Variants in RNMT observed in about 807,000 individuals in gnomAD.
RNMT encodes the protein mRNA cap guanine-N(7) methyltransferase.
RNMT carries 27 observed loss-of-function variants against 56.0 expected under a neutral mutation model. The ratio of observed to expected loss-of-function variants is 0.48; its 90% CI spans 0.36 to 0.67. The LOEUF (loss-of-function observed/expected upper bound fraction) is 0.67. RNMT is among the 30% of genes least tolerant of loss of function. The pLI is 0.00. For missense variants in RNMT, 519 were observed against 552.1 expected, an observed-to-expected ratio of 0.94 and a Z score of 0.60; for synonymous variants, 184 against 176.2, an observed-to-expected ratio of 1.04 and a Z score of -0.35.
chr18:13,742,708 C>A, intron 8 of RNMT, 56 bp downstream of exon 8: 2 of 1,275,866 alleles, frequency 1.6e-6, no homozygotes, highest in Non-Finnish European at 2.2e-6. Context: ...GAAAGAAAAG[C>A]GGGGAAAAGC....
chr18:13,761,632 C>A lies in RNMT; in HGVS notation c.*1653C>A. On this transcript the variant is annotated 3_prime_UTR_variant, in exon 12 of 12. Coordinates refer to ENST00000383314, the MANE Select transcript of RNMT (RefSeq NM_003799.3). ...CAGTGGTAATACAAAGCAGGGAGAA[C>A]AGAAAGGTAGAGTTACTAAGGCCTT... is the stretch of plus-strand genomic sequence containing the variant. 1 of 1,002,032 alleles carries A rather than the reference C, an allele frequency of 1.0e-6. No homozygotes were observed. The highest frequency in any genetic ancestry group is 1.2e-6 in the Non-Finnish European group (1 of 839,816). The allele number at this position is 1,002,032 out of a possible 1,614,324, so 62.1% of individuals were successfully genotyped here. A position where few individuals can be genotyped will look rare whatever the true frequency, so the allele number is the denominator to read the frequency against.
At chr18:13,733,770 A>G (rs532522765) in intron 3 of RNMT, among the ~76,000 whole-genome samples, 2 of 152,346 alleles carry the variant, frequency 1.3e-5, no homozygotes, top group Admixed American at 6.5e-5. Flanking sequence ...ATTCCTTTGT[A>G]GAAACACCAA....
Position 13,730,675 on chromosome 18 carries a change from A to G in RNMT, c.-123A>G, listed in dbSNP as rs900473282. Reference sequence around the variant, plus strand: ...GTACAACTTCAAGCCTCGAAATCAGATAGGCACCACCAACCTCATTTCCTG... The same window carrying G: ...GTACAACTTCAAGCCTCGAAATCAGGTAGGCACCACCAACCTCATTTCCTG... On this transcript the variant is annotated 5_prime_UTR_variant, in exon 2 of 12. Coordinates refer to ENST00000383314, the MANE Select transcript of RNMT (RefSeq NM_003799.3). 1 of 152,240 alleles carries G rather than the reference A, an allele frequency of 6.6e-6. No individual in the cohort carries two copies. Among genetic ancestry groups the G allele is most frequent in the African/African-American group, 2.4e-5 (1 of 41,456 alleles). The allele number at this position is 152,240 out of a possible 1,614,324, so 9.4% of individuals were successfully genotyped here. A position where few individuals can be genotyped will look rare whatever the true frequency, so the allele number is the denominator to read the frequency against.
intron 7 of RNMT, 98 bp downstream of exon 7, chr18:13,741,789 C>A: frequency 1.3e-6 from 1 of 749,184 alleles, no homozygotes; most frequent in Non-Finnish European, 2.1e-6. Flanking sequence ...CTATTTTAAT[C>A]TTATAAGTGT....
intron 4 of RNMT, among the ~76,000 whole-genome samples, chr18:13,734,961 T>C (rs2044134559): frequency 1.3e-5 from 2 of 152,226 alleles, no homozygotes; most frequent in Non-Finnish European, 2.9e-5. Context: ...ATAAAGATCA[T>C]GTGTATTACA....
intron 1 of RNMT, among the ~76,000 whole-genome samples, chr18:13,727,071 A>T (rs1157216379): frequency 6.6e-6 from 1 of 152,158 alleles, no homozygotes; most frequent in Non-Finnish European, 1.5e-5. Context: ...CCTGAACCAG[A>T]GGTTGAGTAA....
chr18:13,761,759 C>A lies in RNMT; in HGVS notation c.*1780C>A, dbSNP rs769452034. The A allele has an allele frequency of 4.4e-5, 53 of 1,193,150 alleles. No individual in the cohort carries two copies. Among genetic ancestry groups the A allele is most frequent in the Non-Finnish European group, 5.3e-5 (51 of 956,464 alleles). 73.9% of individuals were successfully genotyped at this position (1,193,150 alleles called of 1,614,324 possible). On this transcript the variant is annotated 3_prime_UTR_variant, in exon 12 of 12. Coordinates refer to ENST00000383314, the MANE Select transcript of RNMT (RefSeq NM_003799.3). ...TCAGGGAGGCTTACTGGAGCCACAC[C>A]TGCAGGCGCTGTGTTCAGGCACCAC... is the stretch of plus-strand genomic sequence containing the variant.
intron 10 of RNMT, 27 bp from the exon 11 acceptor site, chr18:13,754,086 AT>A (rs1364310506): frequency 7.3e-7 from 1 of 1,370,194 alleles, no homozygotes; most frequent in Non-Finnish European, 1.0e-6. Flanking sequence ...TGAATCTAAA[AT>A]TTTCTTTTTC....
chr18:13,760,794 TG>T lies in RNMT; in HGVS notation c.*817del. 1.0e-6 allele frequency: 1 copy of T among 985,450 alleles called. No individual in the cohort carries two copies. The highest frequency in any genetic ancestry group is 1.2e-6 in the Non-Finnish European group (1 of 829,916). 61.0% of individuals were successfully genotyped at this position (985,450 alleles called of 1,614,324 possible). ...TGCACATTTTTTCCAAATTTATACA[TG>T]GAACTGCAGTAGGAATATTCTCACC... On this transcript the variant is annotated 3_prime_UTR_variant, in exon 12 of 12. Coordinates refer to ENST00000383314, the MANE Select transcript of RNMT (RefSeq NM_003799.3).
intron 11 of RNMT, among the ~76,000 whole-genome samples, chr18:13,758,843 T>A (rs1343220982): frequency 6.6e-6 from 1 of 152,170 alleles, no homozygotes; most frequent in Non-Finnish European, 1.5e-5. Flanking sequence ...GTGAGAGATG[T>A]GCAAGTCTTC....
rs115454505 is a variant in RNMT, at chr18:13,743,670, T to C, written c.1139+1018T>C. ...TAAATGTAGGCCATGTCATGATTGA[T>C]TGAACTTGATTTTCTACTTTTTAGA... On this transcript the variant is annotated intron_variant, in intron 8 of 11. Coordinates refer to ENST00000383314, the MANE Select transcript of RNMT (RefSeq NM_003799.3). 8.5e-3 allele frequency among the ~76,000 whole-genome samples: 1,297 copies of C among 152,130 alleles called. 23 individuals are homozygous for C. Among genetic ancestry groups the C allele is most frequent in the African/African-American group, 0.03 (1,250 of 41,508 alleles).
intron 4 of RNMT, among the ~76,000 whole-genome samples, chr18:13,735,360 T>C (rs933844777): frequency 1.3e-5 from 2 of 152,222 alleles, no homozygotes; most frequent in Non-Finnish European, 2.9e-5. Context: ...ATCTGATAAG[T>C]ATTAGCAGTA....
At chr18:13,753,717 G>A (rs1209037758) in intron 10 of RNMT, among the ~76,000 whole-genome samples, 1 of 151,692 alleles carries the variant, frequency 6.6e-6, no homozygotes, top group African/African-American at 2.4e-5. Flanking sequence ...CTTGCAGTGA[G>A]CCAAGATCAC....
chr18:13,753,816 TACACACACACACACAC>T (rs3138630), intron 10 of RNMT, among the ~76,000 whole-genome samples: 1 of 144,410 alleles, frequency 6.9e-6, no homozygotes. Context: ...ATTTTCCAGT[TACACACACACACACAC>T]ACACACACAC....
intron 11 of RNMT, 125 bp downstream of exon 11, chr18:13,754,272 C>T (rs766222836): frequency 1.1e-4 from 65 of 568,030 alleles, no homozygotes; most frequent in Non-Finnish European, 1.7e-4. Context: ...TTTGGGATGC[C>T]GAGACAGACA....
chr18:13,732,879 A>G (rs1240668358), intron 3 of RNMT, among the ~76,000 whole-genome samples: 3 of 150,774 alleles, frequency 2.0e-5, no homozygotes, highest in East Asian at 3.9e-4. Flanking sequence ...CTCCTGCCTC[A>G]GCCTCCCGAG....
intron 11 of RNMT, among the ~76,000 whole-genome samples, 175 bp from the exon 12 acceptor site, chr18:13,759,767 C>G (rs1027888126): frequency 6.6e-6 from 1 of 152,034 alleles, no homozygotes; most frequent in Non-Finnish European, 1.5e-5. Flanking sequence ...AAGTACCATC[C>G]CATGTCTGCC....
rs548202320 is a variant in RNMT, at chr18:13,753,490, G to A, written c.1360-624G>A. 5.3e-5 allele frequency among the ~76,000 whole-genome samples: 8 copies of A among 150,680 alleles called. No homozygotes were observed. The South Asian group carries it at 1.7e-3, about 32-fold the overall frequency. ...AAAAAAAAGAAAGAATACAAGATAG[G>A]CCGGGCGCAATGGCTCAACGCCTGT... is the stretch of plus-strand genomic sequence containing the variant. On this transcript the variant is annotated intron_variant, in intron 10 of 11. Transcript: ENST00000383314.
intron 9 of RNMT, among the ~76,000 whole-genome samples, chr18:13,746,884 A>G (rs1441235166): frequency 6.6e-6 from 1 of 152,190 alleles, no homozygotes; most frequent in East Asian, 1.9e-4. Flanking sequence ...TTGCATGGTA[A>G]TTCTTTAGCA....
Sources: allele counts gnomAD v4.1 joint callset (sites outside exome capture counted in the v4.1 genomes callset), GRCh38; gene constraint gnomAD v4.1.1; transcripts MANE v1.5; gene names NCBI Gene and HGNC (gene_info 2026-07-23, HGNC 2026-07-21).